Variants in PCDHGB2 observed in about 807,000 individuals in gnomAD.
PCDHGB2 encodes the protein protocadherin gamma subfamily B, 2.
PCDHGB2 carries 55 observed loss-of-function variants against 59.3 expected under a neutral mutation model. The ratio of observed to expected loss-of-function variants is 0.93; its 90% CI spans 0.75 to 1.16. The LOEUF (loss-of-function observed/expected upper bound fraction) is 1.16, where lower values mean the gene tolerates loss of function less well. PCDHGB2 is among the 50% of genes most tolerant of loss of function. The pLI, the probability that PCDHGB2 is intolerant of heterozygous loss-of-function variation, is 0.00. For missense variants in PCDHGB2, 1,228 were observed against 1,198.5 expected, an observed-to-expected ratio of 1.02 and a Z score of -0.36; for synonymous variants, 516 against 512.0, an observed-to-expected ratio of 1.01 and a Z score of -0.11.
rs113107293 is a variant in PCDHGB2, at chr5:141,432,844, A to G, written c.2422-61963A>G. ...CAGACCTCACTCTGTACCTGGTGGTAGCGGTGGCCGCGGTCTCCTGCGTCT... is the reference window on the plus strand; with the variant it reads ...CAGACCTCACTCTGTACCTGGTGGTGGCGGTGGCCGCGGTCTCCTGCGTCT... On this transcript the variant is annotated intron_variant, in intron 1 of 3. Coordinates refer to ENST00000522605, the MANE Select transcript of PCDHGB2 (RefSeq NM_018923.3). This position sits in a 1 kb window ranked among gnomAD's most constrained non-coding sequence, Gnocchi z 6.0. 0.01 allele frequency: 16,860 copies of G among 1,614,178 alleles called. 121 individuals carry two copies. Among genetic ancestry groups the G allele is most frequent in the Non-Finnish European group, 0.012 (14,441 of 1,180,006 alleles).
intron 1 of PCDHGB2, among the ~76,000 whole-genome samples, chr5:141,460,418 G>C (rs905215023): frequency 3.3e-5 from 5 of 152,096 alleles, no homozygotes; most frequent in Admixed American, 6.5e-5. Flanking sequence ...TGATGTTTAT[G>C]TATGGTGTAT....
chr5:141,496,287 C>T (rs768553690), intron 2 of PCDHGB2, among the ~76,000 whole-genome samples: 3 of 152,200 alleles, frequency 2.0e-5, no homozygotes, highest in Non-Finnish European at 4.4e-5. Flanking sequence ...TTGGTCTGAG[C>T]AGAGTGGGAT....
At position 141,477,263 on chromosome 5, in the gene PCDHGB2, G is replaced by C. The variant is rs543767777; in HGVS notation, c.2422-17544G>C. ...CAGTGTGACTGACCTGGATGCTGGC[G>C]AGAACGGGCTGGTGACCTGCGAAGT... On this transcript the variant is annotated intron_variant, in intron 1 of 3. Coordinates refer to ENST00000522605, the MANE Select transcript of PCDHGB2 (RefSeq NM_018923.3). The surrounding 1 kb of genome is among the most constrained non-coding windows in gnomAD (Gnocchi z 4.9). The C allele has an allele frequency of 6.2e-7, 1 of 1,614,192 alleles. No individual in the cohort carries two copies. The highest frequency in any genetic ancestry group is 1.3e-5 in the African/African-American group (1 of 75,058).
At chr5:141,427,570 C>G (rs1487817661) in intron 1 of PCDHGB2, 8 of 662,270 alleles carry the variant, frequency 1.2e-5, no homozygotes, top group Non-Finnish European at 2.2e-5. Flanking sequence ...GGCAAGCCTC[C>G]GCTCTCATCC....
At chr5:141,459,218 C>T (rs2098963524) in intron 1 of PCDHGB2, among the ~76,000 whole-genome samples, 1 of 152,220 alleles carries the variant, frequency 6.6e-6, no homozygotes, top group South Asian at 2.1e-4. Context: ...TTCTCCAGCT[C>T]CAGGCAACAA....
chr5:141,370,281 A>G lies in PCDHGB2; in HGVS notation c.2421+7725A>G, dbSNP rs184302654. The G allele has an allele frequency of 3.3e-5, 30 of 916,904 alleles. No individual in the cohort carries two copies. In the Admixed American group the frequency reaches 8.3e-4, roughly 25 times the overall value. 56.8% of individuals were successfully genotyped at this position (916,904 alleles called of 1,614,324 possible). On this transcript the variant is annotated intron_variant, in intron 1 of 3. Coordinates refer to ENST00000522605, the MANE Select transcript of PCDHGB2 (RefSeq NM_018923.3). ...GCTTCCTGCAGCGGAGACACCCATTAGAGAACCCAAGCACAAAGACAAAGC... is the reference window on the plus strand; with the variant it reads ...GCTTCCTGCAGCGGAGACACCCATTGGAGAACCCAAGCACAAAGACAAAGC...
chr5:141,400,221 C>G (rs377228541), intron 1 of PCDHGB2: 1 of 1,614,060 alleles, frequency 6.2e-7, no homozygotes, highest in Non-Finnish European at 8.5e-7. Flanking sequence ...TCTCAGTGCT[C>G]TTCCTCCTGG....
rs758879836 is a variant in PCDHGB2 at position 141,400,006 on chromosome 5, G to A, written c.2421+37450G>A. 3 of 1,612,536 alleles carry A rather than the reference G, an allele frequency of 1.9e-6. No homozygotes were observed. The South Asian group carries it at 3.3e-5, about 18-fold the overall frequency. On this transcript the variant is annotated intron_variant, in intron 1 of 3. Coordinates refer to ENST00000522605, the MANE Select transcript of PCDHGB2 (RefSeq NM_018923.3). ...CACAGGAGAGGTGCGCACAGCGCGT[G>A]CCTTGGGCGACAGGGACGCGGCCCG...
chr5:141,386,056 A>C (rs2090445356), intron 1 of PCDHGB2: 1 of 152,214 alleles, frequency 6.6e-6, no homozygotes, highest in South Asian at 2.1e-4. Flanking sequence ...TTTAACAGAG[A>C]ATTCCAGTAT....
At chr5:141,475,764 C>T (rs2154573514) in intron 1 of PCDHGB2, among the ~76,000 whole-genome samples, 1 of 152,380 alleles carries the variant, frequency 6.6e-6, no homozygotes, top group South Asian at 2.1e-4. Flanking sequence ...CCGATACTGG[C>T]AAGGCGCTTT....
Position 141,361,471 on chromosome 5 carries a change from A to C in PCDHGB2, c.1336A>C (p.Asn446His), listed in dbSNP as rs748732304. The change falls in exon 1 of 4, where the codon AAC (asparagine) becomes CAC (histidine). Residue 446 changes from asparagine to histidine, a missense_variant. Coordinates refer to ENST00000522605, the MANE Select transcript of PCDHGB2 (RefSeq NM_018923.3). ...TGTCACCCTGCACATCTCCGACGTCAACGATAATGCCCCAGTTTTCCAACA... is the reference window on the plus strand; with the variant it reads ...TGTCACCCTGCACATCTCCGACGTCCACGATAATGCCCCAGTTTTCCAACA... The part of the protein sequence containing the change: ...IIVTLHISDV[N>H]DNAPVFQQTS... 2 of 1,613,988 alleles carry C rather than the reference A, an allele frequency of 1.2e-6. No homozygotes were observed. Among genetic ancestry groups the C allele is most frequent in the South Asian group, 2.2e-5 (2 of 91,084 alleles).
intron 1 of PCDHGB2, chr5:141,389,596 C>A: frequency 6.2e-7 from 1 of 1,613,132 alleles, no homozygotes; most frequent in Non-Finnish European, 8.5e-7. Context: ...GACGGCTCTG[C>A]GCTCTTCGAT....
At chr5:141,433,099 C>T (rs1003269683) in intron 1 of PCDHGB2, 1 of 1,614,190 alleles carries the variant, frequency 6.2e-7, no homozygotes, top group Non-Finnish European at 8.5e-7. Context: ...ACATGCTCGT[C>T]AGCCAGGAGA....
chr5:141,381,977 G>A lies in PCDHGB2; in HGVS notation c.2421+19421G>A, dbSNP rs61025717. Among the ~76,000 whole-genome samples, 1,494 of 151,364 alleles carry A rather than the reference G, an allele frequency of 9.9e-3. 24 individuals are homozygous for A. The highest frequency in any genetic ancestry group is 0.034 in the African/African-American group (1,395 of 41,190). On this transcript the variant is annotated intron_variant, in intron 1 of 3. Coordinates refer to ENST00000522605, the MANE Select transcript of PCDHGB2 (RefSeq NM_018923.3). ...CCTGAGTAGCTGGGATTACAGGCGC[G>A]CGCCACCACGCCCGGATAATTTTGT...
In PCDHGB2 at chr5:141,360,143, C is replaced by T. The variant is rs763145950; in HGVS notation, c.8C>T (p.Ala3Val). 5 of 1,594,764 alleles carry T rather than the reference C, an allele frequency of 3.1e-6. No homozygotes were observed. In the African/African-American group the frequency reaches 5.4e-5, roughly 17 times the overall value. Residue 3 changes from alanine to valine, a missense_variant, in exon 1 of 4, where the codon GCG becomes GTG. Ala to Val is a moderately conservative substitution (Grantham distance 64). Around this residue, in one of 3 missense-constraint regions of PCDHGB2, gnomAD observed 781 missense variants for 721.6 expected, o/e 1.08. Transcript: ENST00000522605. MK[A>V]SSGRCGLVRW... ...AGCAAAGGGAGCCAGAAGATGAAAG[C>T]GAGCTCAGGGAGGTGCGGGCTGGTG...
At chr5:141,402,096 A>G (rs1343417374) in intron 1 of PCDHGB2, among the ~76,000 whole-genome samples, 2 of 152,226 alleles carry the variant, frequency 1.3e-5, no homozygotes, top group Non-Finnish European at 2.9e-5. Context: ...GAAAAGTTTA[A>G]GCAATTACAA....
At chr5:141,464,120 C>G (rs1297254980) in intron 1 of PCDHGB2, among the ~76,000 whole-genome samples, 1 of 151,976 alleles carries the variant, frequency 6.6e-6, no homozygotes, top group African/African-American at 2.4e-5. Flanking sequence ...CAAAAATTAG[C>G]TGGGTGTGGT....
intron 1 of PCDHGB2, among the ~76,000 whole-genome samples, chr5:141,473,422 A>C (rs2154571673): frequency 6.6e-6 from 1 of 152,332 alleles, no homozygotes; most frequent in African/African-American, 2.4e-5. Context: ...TGGGGGAAGC[A>C]GATACTTTGC....
rs1561527206 is a variant in PCDHGB2, at chr5:141,362,509, A to T, written c.2374A>T (p.Asn792Tyr). 16 of 1,614,038 alleles carry T rather than the reference A, an allele frequency of 9.9e-6. No individual in the cohort carries two copies. Among genetic ancestry groups the T allele is most frequent in the Non-Finnish European group, 1.4e-5 (16 of 1,179,900 alleles). ...CAATGCCTCTTGGGAACAAAATACAAATCATGGAGCCGCTGGGGTCCCTTT... is the reference window on the plus strand; with the variant it reads ...CAATGCCTCTTGGGAACAAAATACATATCATGGAGCCGCTGGGGTCCCTTT... ...CDNASWEQNT[N>Y]HGAAGVPFAS... is the part of the protein sequence containing the mutation. The change falls in exon 1 of 4, where the codon AAT becomes TAT. Residue 792 changes from asparagine to tyrosine, a missense_variant. By Grantham distance (143) the Asn-to-Tyr change is moderately radical. Transcript: ENST00000522605.
Sources: allele counts gnomAD v4.1 joint callset (sites outside exome capture counted in the v4.1 genomes callset), GRCh38; gene constraint gnomAD v4.1.1; regional missense constraint gnomAD v4.1.1; non-coding constraint Gnocchi (gnomAD v3.1); transcripts MANE v1.5; gene names NCBI Gene and HGNC (gene_info 2026-07-23, HGNC 2026-07-21).